Variants in RNLS observed in about 807,000 individuals in gnomAD.
The protein encoded by RNLS is renalase, FAD dependent amine oxidase, also known as renalase.
In RNLS, 39 loss-of-function variants were observed where a neutral mutation model predicts 39.8. The observed-to-expected ratio is 0.98, with a 90% CI of 0.76 to 1.28. The LOEUF (loss-of-function observed/expected upper bound fraction) is 1.28. RNLS is among the 50% of genes most tolerant of loss of function. The pLI is 0.00. For synonymous variants in RNLS, 147 were observed against 150.7 expected, an observed-to-expected ratio of 0.98 and a Z score of 0.18; for missense variants, 410 against 413.3, an observed-to-expected ratio of 0.99 and a Z score of 0.07.
chr10:88,447,571 T>C (rs1335748423), intron 4 of RNLS, among the ~76,000 whole-genome samples: 1 of 152,102 alleles, frequency 6.6e-6, no homozygotes, highest in Non-Finnish European at 1.5e-5. Context: ...ATCAGGAAAA[T>C]GGCCATACTG....
At chr10:88,317,316 C>T (rs913178677) in intron 5 of RNLS, among the ~76,000 whole-genome samples, 7 of 152,314 alleles carry the variant, frequency 4.6e-5, no homozygotes, top group Admixed American at 3.3e-4. Context: ...CCTTACAAGG[C>T]TGCCATGAGG....
At chr10:88,450,595 C>G (rs1371223915) in intron 4 of RNLS, among the ~76,000 whole-genome samples, 1 of 152,078 alleles carries the variant, frequency 6.6e-6, no homozygotes, top group Non-Finnish European at 1.5e-5. Context: ...CCACATAAAA[C>G]TGTCATTGGT....
chr10:88,267,108 G>A, the RNLS span, among the ~76,000 whole-genome samples: 1 of 151,986 alleles, frequency 6.6e-6, no homozygotes, highest in Non-Finnish European at 1.5e-5. Flanking sequence ...TCTTTCATAG[G>A]CATTTTCCTT....
At chr10:88,350,492 T>G in intron 5 of RNLS, among the ~76,000 whole-genome samples, 1 of 152,198 alleles carries the variant, frequency 6.6e-6, no homozygotes, top group Non-Finnish European at 1.5e-5. Flanking sequence ...TTTGGTTTTT[T>G]GTCCTTGCGA....
chr10:88,422,202 G>A lies in RNLS; in HGVS notation c.527-59477C>T, dbSNP rs76411030. The stretch of plus-strand genomic sequence containing the variant: ...AAATACTAAAGGTAGCCGTCCTATC[G>A]GAAGAATGAAAATGCACTATTCCCT... On this transcript the variant is annotated intron_variant, in intron 4 of 6. Transcript: ENST00000331772. Among the ~76,000 whole-genome samples, 1,179 of 152,240 alleles carry A rather than the reference G, an allele frequency of 7.7e-3. 17 individuals carry two copies. Among genetic ancestry groups the A allele is most frequent in the East Asian group, 0.063 (328 of 5,180 alleles).
intron 4 of RNLS, among the ~76,000 whole-genome samples, chr10:88,525,920 G>A (rs1847075847): frequency 6.6e-6 from 1 of 151,884 alleles, no homozygotes. Flanking sequence ...GGTCTCCTCA[G>A]CCCCTTAGGA....
intron 4 of RNLS, among the ~76,000 whole-genome samples, chr10:88,481,975 GA>G (rs1272119037): frequency 1.3e-5 from 2 of 151,876 alleles, no homozygotes; most frequent in Non-Finnish European, 2.9e-5. Context: ...ATTCTTCGTT[GA>G]TTTTTTTTTC....
the RNLS span, among the ~76,000 whole-genome samples, chr10:88,172,875 T>TTTTTTTTTTTG: frequency 7.7e-6 from 1 of 129,932 alleles, no homozygotes; most frequent in Non-Finnish European, 1.6e-5. Context: ...TTTTTTTTTT[T>TTTTTTTTTTTG]AGATGGAGTC....
the RNLS span, among the ~76,000 whole-genome samples, chr10:88,207,403 T>C: frequency 2.6e-5 from 4 of 151,932 alleles, no homozygotes; most frequent in African/African-American, 9.7e-5. Flanking sequence ...GATATATGAA[T>C]AGCAAATAAA....
intron 5 of RNLS, among the ~76,000 whole-genome samples, chr10:88,319,737 TAAA>T (rs1243099390): frequency 6.6e-6 from 1 of 151,558 alleles, no homozygotes; most frequent in Non-Finnish European, 1.5e-5. Context: ...CAGACAAAAA[TAAA>T]AAAGAATTTA....
chr10:88,352,057 G>C (rs1589622711), intron 5 of RNLS, among the ~76,000 whole-genome samples: 1 of 152,200 alleles, frequency 6.6e-6, no homozygotes, highest in South Asian at 2.1e-4. Context: ...TTTGTATCCT[G>C]AGACTTTGCT....
chr10:88,572,682 A>G (rs530507981), intron 4 of RNLS, among the ~76,000 whole-genome samples: 1 of 152,400 alleles, frequency 6.6e-6, no homozygotes, highest in African/African-American at 2.4e-5. Context: ...GACATGGGCA[A>G]TAAGAAAAGT....
chr10:88,307,094 A>T (rs1213709881), intron 6 of RNLS, among the ~76,000 whole-genome samples: 1 of 152,256 alleles, frequency 6.6e-6, no homozygotes, highest in Admixed American at 6.5e-5. Context: ...CAATAGATGC[A>T]GAAAAGGTTT....
chr10:88,235,565 A>C, the RNLS span, among the ~76,000 whole-genome samples: 1 of 152,178 alleles, frequency 6.6e-6, no homozygotes, highest in South Asian at 2.1e-4. Flanking sequence ...TTCAAGATTA[A>C]GAATGTGGTC....
At chr10:88,424,553 G>A (rs987219126) in intron 4 of RNLS, among the ~76,000 whole-genome samples, 1 of 152,082 alleles carries the variant, frequency 6.6e-6, no homozygotes, top group Non-Finnish European at 1.5e-5. Context: ...CCCAGCTGAT[G>A]ACTTGAGGCA....
chr10:88,234,627 T>C, the RNLS span, among the ~76,000 whole-genome samples: 4 of 152,166 alleles, frequency 2.6e-5, no homozygotes, highest in African/African-American at 9.7e-5. Context: ...CACATTTTTA[T>C]TGAGCTCCTA....
intron 4 of RNLS, among the ~76,000 whole-genome samples, chr10:88,395,169 T>G (rs969182206): frequency 6.7e-6 from 1 of 149,236 alleles, no homozygotes; most frequent in African/African-American, 2.5e-5. Flanking sequence ...GTTGCGCACA[T>G]GTACCCTAAA....
At chr10:88,252,276 A>T in the RNLS span, among the ~76,000 whole-genome samples, 3 of 151,782 alleles carry the variant, frequency 2.0e-5, no homozygotes, top group Non-Finnish European at 3.0e-5. Context: ...AACTATTTAG[A>T]TTGACCTCAC....
chr10:88,398,429 T>C (rs534249390), intron 4 of RNLS, among the ~76,000 whole-genome samples: 7 of 152,046 alleles, frequency 4.6e-5, no homozygotes, highest in African/African-American at 1.4e-4. Flanking sequence ...AGAAGATGGT[T>C]GAGGTTAAAA....
Sources: gnomAD v4.1 joint callset for allele counts (sites outside exome capture counted in the v4.1 genomes callset) on GRCh38, gnomAD v4.1.1 for gene constraint, MANE v1.5 for transcripts, NCBI Gene and HGNC (gene_info 2026-07-23, HGNC 2026-07-21) for gene names.